Variants in PTPRH observed in about 807,000 individuals in gnomAD.
PTPRH encodes protein tyrosine phosphatase receptor type H, also known as receptor-type tyrosine-protein phosphatase H.
A neutral mutation model predicts 130.2 loss-of-function variants in PTPRH; 113 were observed. The ratio of observed to expected loss-of-function variants is 0.87; its 90% CI spans 0.75 to 1.01. PTPRH has a LOEUF of 1.01. Ranked by LOEUF, PTPRH falls within the 50% of genes least tolerant of loss-of-function variation. The pLI is 0.00. For synonymous variants in PTPRH, 556 were observed against 577.9 expected (o/e 0.96, Z 0.54); for missense variants, 1,430 against 1,425.0 (o/e 1.00, Z -0.06).
intron 5 of PTPRH, among the ~76,000 whole-genome samples, chr19:55,202,860 G>A (rs944419581): frequency 4.6e-5 from 7 of 151,928 alleles, no homozygotes; most frequent in African/African-American, 1.2e-4. Flanking sequence ...CCAACATGGC[G>A]AAACCCCGTC....
chr19:55,182,937 G>A (rs2086217235), intron 18 of PTPRH, among the ~76,000 whole-genome samples: 1 of 151,770 alleles, frequency 6.6e-6, no homozygotes, highest in Non-Finnish European at 1.5e-5. Context: ...TTGGATCACA[G>A]GCATGCACCA....
At chr19:55,187,438 G>A in intron 14 of PTPRH, 75 bp downstream of exon 14, 1 of 1,177,744 alleles carries the variant, frequency 8.5e-7, no homozygotes. Context: ...CTCAAAGCGG[G>A]TAGGAGAAGG....
At position 55,205,860 on chromosome 19, in the gene PTPRH, A is replaced by G. The variant is rs1413935290; in HGVS notation, c.353-268T>C. Among the ~76,000 whole-genome samples, 4 of 152,288 alleles carry G rather than the reference A, an allele frequency of 2.6e-5. No individual in the cohort carries two copies. In the East Asian group the frequency reaches 7.7e-4, roughly 29 times the overall value. Reference sequence around the variant, plus strand: ...CAACTGTCTCATTGATCCTTTATATATATTTGTGTGTGTGTGAGTATATAC... The same window carrying G: ...CAACTGTCTCATTGATCCTTTATATGTATTTGTGTGTGTGTGAGTATATAC... On this transcript the variant is annotated intron_variant, in intron 3 of 19. Transcript: ENST00000376350.
rs759245677 is a variant in PTPRH at position 55,203,789 on chromosome 19, A to T, written c.879T>A (p.Ser293Arg). 6.2e-7 allele frequency: 1 copy of T among 1,602,402 alleles called. No individual in the cohort carries two copies. Among genetic ancestry groups the T allele is most frequent in the Non-Finnish European group, 8.5e-7 (1 of 1,170,036 alleles). Residue 293 changes from serine (S) to arginine (R), a missense_variant, in exon 5 of 20, where the codon AGT becomes AGA. Transcript: ENST00000376350. The part of the protein sequence containing the change: ...GVNSSVEIVT[S>R]ATAPNPVRNL... ...ACAGCGGCTGCCTCTTACCTGTGGC[A>T]CTAGTGACAATCTCCACAGAGCTAT... is the stretch of plus-strand genomic sequence containing the variant.
At chr19:55,203,274 C>A (rs771126859) in intron 5 of PTPRH, among the ~76,000 whole-genome samples, 1 of 142,492 alleles carries the variant, frequency 7.0e-6, no homozygotes, top group Non-Finnish European at 1.5e-5. Flanking sequence ...TTGCAGTGAG[C>A]CAAGATTGCG....
At position 55,198,741 on chromosome 19, in the gene PTPRH, G is replaced by A. The variant is rs757573531; in HGVS notation, c.1592C>T (p.Thr531Ile). ...RTQSTSGTDI[T>I]LKELEAGSLY... The stretch of plus-strand genomic sequence containing the variant: ...GCTGCCAGCTTCCAGTTCCTTTAGG[G>A]TGATGTCAGTACCTGAGGTGCTTTG... Residue 531 changes from threonine to isoleucine, a missense_variant, in exon 8 of 20, where the codon ACC (threonine) becomes ATC (isoleucine). By Grantham distance (89) the Thr-to-Ile change is moderately conservative. Coordinates refer to ENST00000376350, the MANE Select transcript of PTPRH (RefSeq NM_002842.5). 1 of 1,614,020 alleles carries A rather than the reference G, an allele frequency of 6.2e-7. No individual in the cohort carries two copies. Among genetic ancestry groups the A allele is most frequent in the Non-Finnish European group, 8.5e-7 (1 of 1,180,020 alleles).
intron 4 of PTPRH, 140 bp downstream of exon 4, chr19:55,205,186 G>A (rs2087005264): frequency 3.7e-6 from 5 of 1,351,400 alleles, no homozygotes; most frequent in Non-Finnish European, 5.1e-6. Flanking sequence ...CATCTCCTGA[G>A]CTGAGACTGC....
chr19:55,203,441 G>A (rs1183275389), intron 5 of PTPRH, among the ~76,000 whole-genome samples: 2 of 145,854 alleles, frequency 1.4e-5, no homozygotes, highest in African/African-American at 2.6e-5. Flanking sequence ...TTTGAGACAG[G>A]GTTTCTCTCT....
At chr19:55,191,360 C>G (rs571909412) in intron 12 of PTPRH, 141 bp downstream of exon 12, 1 of 959,540 alleles carries the variant, frequency 1.0e-6, no homozygotes, top group Non-Finnish European at 1.6e-6. Context: ...GGGCCGTGGT[C>G]CCTGTCGCAG....
chr19:55,187,689 CG>C (rs2086402415), intron 13 of PTPRH, 86 bp from the exon 14 acceptor site: 1 of 937,926 alleles, frequency 1.1e-6, no homozygotes, highest in African/African-American at 1.6e-5. Flanking sequence ...TTGCCTTCTT[CG>C]GCATCACCCC....
At chr19:55,184,656 G>A (rs2086267347) in intron 18 of PTPRH, among the ~76,000 whole-genome samples, 1 of 150,752 alleles carries the variant, frequency 6.6e-6, no homozygotes, top group East Asian at 2.0e-4. Flanking sequence ...GTGTGGTGGT[G>A]AGCAGCTGTA....
intron 10 of PTPRH, chr19:55,194,005 C>A (rs915695751): frequency 8.4e-5 from 35 of 418,558 alleles, no homozygotes; most frequent in Admixed American, 1.9e-4. Flanking sequence ...CGCGCCACCA[C>A]GCCCAGCTAA....
chr19:55,195,250 G>A (rs918051163), intron 10 of PTPRH, among the ~76,000 whole-genome samples: 8 of 152,094 alleles, frequency 5.3e-5, no homozygotes, highest in East Asian at 1.9e-4. Flanking sequence ...GCTTGAACCC[G>A]GGAGGTGGAG....
chr19:55,196,665 C>T lies in PTPRH; in HGVS notation c.2114G>A (p.Gly705Asp). The T allele has an allele frequency of 3.1e-6, 5 of 1,614,074 alleles. No individual in the cohort carries two copies. The highest frequency in any genetic ancestry group is 4.2e-6 in the Non-Finnish European group (5 of 1,180,008). Residue 705 changes from glycine (G) to aspartate (D), a missense_variant, in exon 10 of 20, where the codon GGC becomes GAC. By Grantham distance (94) the Gly-to-Asp change is moderately conservative (BLOSUM62 -1). Coordinates refer to ENST00000376350, the MANE Select transcript of PTPRH (RefSeq NM_002842.5). ...CCCACATGAAGATCTGTCCTGGGAG[C>T]CCCGCTGTCCTCCCACCTCCAACTC... Reference protein sequence around the residue: ...AFELEVGGQRGSQDRSSCGEA... With the variant: ...AFELEVGGQRDSQDRSSCGEA...
At chr19:55,201,998 T>C (rs1423189698) in intron 6 of PTPRH, 58 bp downstream of exon 6, 1 of 1,594,310 alleles carries the variant, frequency 6.3e-7, no homozygotes, top group Non-Finnish European at 8.6e-7. Flanking sequence ...GTCTACATTC[T>C]ACTGCTTACT....
chr19:55,196,515 C>T lies in PTPRH; in HGVS notation c.2257+7G>A, dbSNP rs192407156. ...CATAGCTGGCTGGCCCGCGCGGCTC[C>T]GCTCACCTGCACTCTCGGTGTGGCA... On this transcript the variant is annotated splice_region_variant and intron_variant, in intron 10 of 19. Coordinates refer to ENST00000376350, the MANE Select transcript of PTPRH (RefSeq NM_002842.5). 1.0e-3 allele frequency: 1,662 copies of T among 1,605,894 alleles called. 18 individuals are homozygous for T. In the African/African-American group the frequency reaches 0.019, roughly 18 times the overall value.
intron 10 of PTPRH, among the ~76,000 whole-genome samples, chr19:55,193,272 C>A (rs1372158605): frequency 6.7e-6 from 1 of 150,094 alleles, no homozygotes; most frequent in Non-Finnish European, 1.5e-5. Flanking sequence ...ACAAAAAGAA[C>A]CCCAACAAAA....
intron 8 of PTPRH, 87 bp downstream of exon 8, chr19:55,198,556 T>C (rs2086756616): frequency 7.2e-7 from 1 of 1,390,530 alleles, no homozygotes; most frequent in African/African-American, 1.5e-5. Flanking sequence ...TGGGTACTCT[T>C]CATCTCCCAA....
chr19:55,191,581 G>GGGGT (rs763196847), intron 11 of PTPRH, 33 bp from the exon 12 acceptor site: 1 of 1,613,692 alleles, frequency 6.2e-7, no homozygotes, highest in Non-Finnish European at 8.5e-7. Context: ...AGAGGCTCAG[G>GGGGT]GGGTGAGGCT....
Sources: allele counts gnomAD v4.1 joint callset (sites outside exome capture counted in the v4.1 genomes callset), GRCh38; gene constraint gnomAD v4.1.1; transcripts MANE v1.5; gene names NCBI Gene and HGNC (gene_info 2026-07-23, HGNC 2026-07-21).